PTPRN2: variants seen among roughly 807,000 people sequenced by gnomAD.
PTPRN2 encodes the protein protein tyrosine phosphatase receptor type N2, also known as receptor-type tyrosine-protein phosphatase N2.
In PTPRN2, 74 loss-of-function variants were observed where a neutral mutation model predicts 118.8. The ratio of observed to expected loss-of-function variants is 0.62; its 90% CI spans 0.52 to 0.76. The LOEUF is 0.76. Among genes scored for constraint, PTPRN2 ranks in the 30% least tolerant of loss-of-function variants. The pLI is 0.00. For missense variants in PTPRN2, 1,481 were observed against 1,394.4 expected (o/e 1.06, Z -0.99); for synonymous variants, 641 against 608.0 (o/e 1.05, Z -0.80).
chr7:158,153,525 C>G (rs1821402208), intron 6 of PTPRN2, among the ~76,000 whole-genome samples: 1 of 152,146 alleles, frequency 6.6e-6, no homozygotes, highest in African/African-American at 2.4e-5. Context: ...GTCAGCTCCC[C>G]TAGAGGTTTG....
At chr7:157,775,670 TC>T (rs908866178) in intron 12 of PTPRN2, among the ~76,000 whole-genome samples, 8 of 152,030 alleles carry the variant, frequency 5.3e-5, no homozygotes, top group Non-Finnish European at 1.0e-4. Flanking sequence ...CTCGGGGCAG[TC>T]CCCACACAAG....
At chr7:157,995,915 G>A (rs1804690914) in intron 11 of PTPRN2, among the ~76,000 whole-genome samples, 1 of 152,232 alleles carries the variant, frequency 6.6e-6, no homozygotes, top group African/African-American at 2.4e-5. Context: ...AAAACGTGGT[G>A]TGTCCACACA....
intron 5 of PTPRN2, among the ~76,000 whole-genome samples, 170 bp downstream of exon 5, chr7:158,192,157 G>A (rs1280012650): frequency 6.6e-6 from 1 of 152,188 alleles, no homozygotes; most frequent in Non-Finnish European, 1.5e-5. Flanking sequence ...CTGGGAGCAG[G>A]TGTCGCTCTA....
intron 9 of PTPRN2, among the ~76,000 whole-genome samples, chr7:158,128,399 AG>A (rs986234694): frequency 4.4e-4 from 67 of 152,194 alleles, no homozygotes; most frequent in African/African-American, 1.5e-3. Context: ...AAGTCAGCCA[AG>A]ATAACATGAT....
intron 3 of PTPRN2, among the ~76,000 whole-genome samples, chr7:158,210,131 C>CT (rs869191127): frequency 0.056 from 6,035 of 108,622 alleles, 685 homozygotes; most frequent in East Asian, 0.19. Context: ...AATGATGCAT[C>CT]TTTTTTTTTT....
chr7:158,320,070 C>T lies in PTPRN2; in HGVS notation c.164-3138G>A, dbSNP rs1361308139. 2.1e-5 allele frequency among the ~76,000 whole-genome samples: 2 copies of T among 96,622 alleles called. 1 individual carries two copies. The highest frequency in any genetic ancestry group is 7.8e-5 in the African/African-American group (2 of 25,744). 63.4% of individuals were successfully genotyped at this position (96,622 alleles called of 152,430 possible). On this transcript the variant is annotated intron_variant, in intron 2 of 22. Coordinates refer to ENST00000389418, the MANE Select transcript of PTPRN2 (RefSeq NM_002847.5). Reference sequence around the variant, plus strand: ...ACACTCACAGTCTCCCTCACACACACACACAGCCTCCCTCACACACACTCA... The same window carrying T: ...ACACTCACAGTCTCCCTCACACACATACACAGCCTCCCTCACACACACTCA...
At chr7:158,441,815 A>C (rs147283268) in intron 2 of PTPRN2, among the ~76,000 whole-genome samples, 1 of 31,882 alleles carries the variant, frequency 3.1e-5, no homozygotes, top group South Asian at 1.1e-3. Context: ...AGTGGTGGTG[A>C]TGGTGATAGT....
At position 157,590,904 on chromosome 7, in the gene PTPRN2, A is replaced by G. The variant is rs1298396262; in HGVS notation, c.2496+4334T>C. Among the ~76,000 whole-genome samples the G allele has an allele frequency of 6.6e-6, 1 of 152,152 alleles. No individual in the cohort carries two copies. The highest frequency in any genetic ancestry group is 1.5e-5 in the Non-Finnish European group (1 of 68,036). The stretch of plus-strand genomic sequence containing the variant: ...CCATCACCATGTCATGTGGGTGCCA[A>G]TTAGCTGCTTGGAAAAGGTCTTTTT... On this transcript the variant is annotated intron_variant, in intron 17 of 22. Coordinates refer to ENST00000389418, the MANE Select transcript of PTPRN2 (RefSeq NM_002847.5). This position sits in a 1 kb window ranked among gnomAD's most constrained non-coding sequence, Gnocchi z 4.0.
rs1420913968 is a variant in PTPRN2, at chr7:157,629,154, G to A, written c.2197-7645C>T. ...CATCTGGAGACTTGTAAAGGGTCCA[G>A]ATGTGGTTCCATGTGAATCCCGTCC... is the stretch of plus-strand genomic sequence containing the variant. On this transcript the variant is annotated intron_variant, in intron 14 of 22. Transcript: ENST00000389418. The surrounding 1 kb of genome is among the most constrained non-coding windows in gnomAD (Gnocchi z 4.4). 1.3e-5 allele frequency among the ~76,000 whole-genome samples: 2 copies of A among 152,130 alleles called. No individual in the cohort carries two copies. Among genetic ancestry groups the A allele is most frequent in the East Asian group, 1.9e-4 (1 of 5,184 alleles).
chr7:157,746,833 G>C (rs1436887891), intron 12 of PTPRN2, among the ~76,000 whole-genome samples: 1 of 152,236 alleles, frequency 6.6e-6, no homozygotes, highest in African/African-American at 2.4e-5. Flanking sequence ...ATGTGTTGAG[G>C]CCTGCATCCC....
At chr7:158,482,562 T>C (rs1258968778) in intron 2 of PTPRN2, among the ~76,000 whole-genome samples, 3 of 152,236 alleles carry the variant, frequency 2.0e-5, no homozygotes, top group Non-Finnish European at 4.4e-5. Context: ...CATTGTTTTT[T>C]AGACATAGTG....
At chr7:157,546,589 C>T (rs557706515) in intron 22 of PTPRN2, among the ~76,000 whole-genome samples, 44 of 152,330 alleles carry the variant, frequency 2.9e-4, no homozygotes, top group African/African-American at 9.9e-4. Context: ...CCATCCATGT[C>T]GCTGTAAAGG....
intron 12 of PTPRN2, among the ~76,000 whole-genome samples, chr7:157,684,078 C>T (rs1158111152): frequency 6.6e-6 from 1 of 152,120 alleles, no homozygotes; most frequent in Non-Finnish European, 1.5e-5. Flanking sequence ...CCAGCGTACA[C>T]AGTGCCTCTT....
chr7:158,300,064 CT>C (rs1800776441), intron 3 of PTPRN2, among the ~76,000 whole-genome samples: 1 of 152,128 alleles, frequency 6.6e-6, no homozygotes, highest in Non-Finnish European at 1.5e-5. Flanking sequence ...TATTTGTTTA[CT>C]TTGTAGAAAC....
chr7:157,871,070 C>T (rs1466341063), intron 12 of PTPRN2, among the ~76,000 whole-genome samples: 1 of 152,160 alleles, frequency 6.6e-6, no homozygotes, highest in Non-Finnish European at 1.5e-5. Context: ...GGGGTAGGGG[C>T]CTCAGGGCTG....
intron 2 of PTPRN2, among the ~76,000 whole-genome samples, chr7:158,317,409 G>A (rs1802422261): frequency 6.6e-6 from 1 of 152,248 alleles, no homozygotes; most frequent in South Asian, 2.1e-4. Flanking sequence ...AGGCAAGCAC[G>A]GCTTCCCGGG....
At chr7:157,659,018 G>T (rs1795746651) in intron 13 of PTPRN2, among the ~76,000 whole-genome samples, 1 of 151,658 alleles carries the variant, frequency 6.6e-6, no homozygotes, top group Non-Finnish European at 1.5e-5. Flanking sequence ...CGGGGTGCCG[G>T]CTTCCTTGTG....
intron 5 of PTPRN2, among the ~76,000 whole-genome samples, chr7:158,185,697 A>G (rs754988841): frequency 6.6e-6 from 1 of 151,982 alleles, no homozygotes; most frequent in African/African-American, 2.4e-5. Flanking sequence ...CATCGTACAC[A>G]TTTTCCATCC....
At chr7:158,442,212 T>C (rs1057327185) in intron 2 of PTPRN2, among the ~76,000 whole-genome samples, 9 of 151,970 alleles carry the variant, frequency 5.9e-5, no homozygotes, top group Admixed American at 1.3e-4. Flanking sequence ...GCAGTGGTGA[T>C]GGTGGCAGCA....
Sources: gnomAD v4.1 joint callset for allele counts (sites outside exome capture counted in the v4.1 genomes callset) on GRCh38, gnomAD v4.1.1 for gene constraint, Gnocchi (gnomAD v3.1) non-coding constraint, MANE v1.5 for transcripts, NCBI Gene and HGNC (gene_info 2026-07-23, HGNC 2026-07-21) for gene names.